Variants in NMU observed in about 807,000 individuals in gnomAD.
The protein encoded by NMU is neuromedin-U.
In NMU, 29 loss-of-function variants were observed where a neutral mutation model predicts 35.4. The observed-to-expected ratio is 0.82, with a 90% confidence interval of 0.61 to 1.12. The LOEUF (loss-of-function observed/expected upper bound fraction) is 1.12. Among genes scored for constraint, NMU ranks in the 50% most tolerant of loss-of-function variants. NMU has a pLI of 0.00. For missense variants in NMU, 199 were observed against 206.2 expected (o/e 0.97, Z 0.21); for synonymous variants, 78 against 81.3 (o/e 0.96, Z 0.22).
At chr4:55,597,587 G>A (rs1733240248) in intron 9 of NMU, among the ~76,000 whole-genome samples, 1 of 152,074 alleles carries the variant, frequency 6.6e-6, no homozygotes, top group Admixed American at 6.6e-5. Flanking sequence ...AGGCTGGTCA[G>A]GCTCCCGACC....
intron 3 of NMU, among the ~76,000 whole-genome samples, chr4:55,611,896 CACAGG>C (rs1733948414): frequency 6.6e-6 from 1 of 152,214 alleles, no homozygotes; most frequent in African/African-American, 2.4e-5. Context: ...TTCTGTCCTA[CACAGG>C]ACATGAATTG....
chr4:55,619,523 G>T (rs11723876), intron 2 of NMU, among the ~76,000 whole-genome samples: 3 of 142,834 alleles, frequency 2.1e-5, no homozygotes, highest in Admixed American at 7.1e-5. Flanking sequence ...TACGCCCACG[G>T]AATCTCGCTG....
chr4:55,625,515 A>G (rs555769433), intron 2 of NMU, among the ~76,000 whole-genome samples: 5 of 152,170 alleles, frequency 3.3e-5, no homozygotes, highest in Non-Finnish European at 7.3e-5. Context: ...ACACTGTTTT[A>G]TACTTGGCAC....
At chr4:55,603,673 G>A (rs1733518218) in intron 7 of NMU, among the ~76,000 whole-genome samples, 1 of 151,720 alleles carries the variant, frequency 6.6e-6, no homozygotes, top group African/African-American at 2.4e-5. Context: ...AGCACTTTGG[G>A]AAGCCGAGGC....
intron 7 of NMU, among the ~76,000 whole-genome samples, chr4:55,604,679 ATT>A (rs767568542): frequency 8.4e-5 from 4 of 47,614 alleles, no homozygotes; most frequent in African/African-American, 2.3e-4. Context: ...TGCCTGGCTA[ATT>A]TTTTTTTTTT....
Position 55,619,139 on chromosome 4 carries a change from T to C in NMU, c.172-2754A>G, listed in dbSNP as rs189377278. Reference sequence around the variant, plus strand: ...CTGCTGCCTCGGCCTGTCAAAGAACTGATATTAGGGTTCAGGGAGGAGCCA... The same window carrying C: ...CTGCTGCCTCGGCCTGTCAAAGAACCGATATTAGGGTTCAGGGAGGAGCCA... On this transcript the variant is annotated intron_variant, in intron 2 of 9. Transcript: ENST00000264218. 4.0e-3 allele frequency among the ~76,000 whole-genome samples: 613 copies of C among 152,140 alleles called. 4 individuals carry two copies. In the Middle Eastern group the frequency reaches 0.044, roughly 11 times the overall value.
At chr4:55,606,384 T>C (rs1486896951) in intron 6 of NMU, among the ~76,000 whole-genome samples, 1 of 152,216 alleles carries the variant, frequency 6.6e-6, no homozygotes, top group Non-Finnish European at 1.5e-5. Flanking sequence ...TACTACATGA[T>C]TTTAAAGTGA....
chr4:55,628,317 T>C (rs1270538699), intron 2 of NMU, among the ~76,000 whole-genome samples: 1 of 152,140 alleles, frequency 6.6e-6, no homozygotes, highest in African/African-American at 2.4e-5. Context: ...TTTTTTTATA[T>C]CTCTATTTTT....
At chr4:55,636,512 A>T (rs1715939100), upstream of NMU, 2 of 315,634 alleles carry the variant, frequency 6.3e-6, no homozygotes, top group South Asian at 2.0e-4. The surrounding 1 kb of genome is among the most constrained non-coding windows in gnomAD (Gnocchi z 4.0). Context: ...TGGGATAAAG[A>T]GAATGGAATT....
intron 2 of NMU, among the ~76,000 whole-genome samples, chr4:55,624,156 A>G (rs1734424056): frequency 6.7e-6 from 1 of 150,220 alleles, no homozygotes; most frequent in Non-Finnish European, 1.5e-5. Context: ...ACAAAAGCCA[A>G]AATTGACAAA....
At chr4:55,612,308 G>C (rs745431352) in intron 3 of NMU, among the ~76,000 whole-genome samples, 4 of 152,206 alleles carry the variant, frequency 2.6e-5, no homozygotes, top group Admixed American at 6.5e-5. Context: ...GCTGAGGTGG[G>C]AGGATTGCTT....
At chr4:55,602,651 A>T (rs976833034) in intron 7 of NMU, among the ~76,000 whole-genome samples, 1 of 152,240 alleles carries the variant, frequency 6.6e-6, no homozygotes, top group Non-Finnish European at 1.5e-5. Context: ...AACACTTTTA[A>T]GAAGTAAAAG....
At chr4:55,608,174 CAAAAAA>C (rs3035745) in intron 4 of NMU, among the ~76,000 whole-genome samples, 1 of 110,410 alleles carries the variant, frequency 9.1e-6, no homozygotes, top group Non-Finnish European at 1.8e-5. Flanking sequence ...GACTCCATCT[CAAAAAA>C]AAAAAAAAAA....
intron 3 of NMU, among the ~76,000 whole-genome samples, chr4:55,611,591 G>C (rs1349109497): frequency 1.3e-5 from 2 of 152,118 alleles, no homozygotes; most frequent in African/African-American, 4.8e-5. Flanking sequence ...TCCATTCATG[G>C]TGAGTGCCCT....
Position 55,596,290 on chromosome 4 carries a change from C to T in NMU, c.*5-879G>A, listed in dbSNP as rs186137082. 1.9e-3 allele frequency among the ~76,000 whole-genome samples: 279 copies of T among 149,292 alleles called. 1 individual carries two copies. The highest frequency in any genetic ancestry group is 6.0e-3 in the African/African-American group (247 of 40,932). On this transcript the variant is annotated intron_variant, in intron 9 of 9. Coordinates refer to ENST00000264218, the MANE Select transcript of NMU (RefSeq NM_006681.4). ...CTATTGGCAAAATAAAATGAAATCA[C>T]GAGTACATTAGTTTATGGACACCCT...
chr4:55,596,728 G>A (rs923567046), intron 9 of NMU, among the ~76,000 whole-genome samples: 5 of 151,934 alleles, frequency 3.3e-5, no homozygotes, highest in African/African-American at 4.8e-5. Context: ...TTTTTCCTTC[G>A]CTTTTCCACT....
intron 1 of NMU, 99 bp from the exon 2 acceptor site, chr4:55,630,559 A>T: frequency 1.1e-6 from 1 of 894,848 alleles, no homozygotes; most frequent in Non-Finnish European, 1.8e-6. Flanking sequence ...TTCATTTTTC[A>T]CTGTACATCA....
chr4:55,627,766 C>CTTG (rs1734592434), intron 2 of NMU, among the ~76,000 whole-genome samples: 1 of 152,108 alleles, frequency 6.6e-6, no homozygotes, highest in Non-Finnish European at 1.5e-5. Context: ...AGTTCAAGAG[C>CTTG]AAGAAGTTTG....
chr4:55,634,215 T>A (rs956146991), intron 1 of NMU, among the ~76,000 whole-genome samples: 1 of 152,160 alleles, frequency 6.6e-6, no homozygotes. Flanking sequence ...GGTGCCATCT[T>A]TAGGGATTCA....
Sources: allele counts gnomAD v4.1 joint callset (sites outside exome capture counted in the v4.1 genomes callset), GRCh38; gene constraint gnomAD v4.1.1; non-coding constraint Gnocchi (gnomAD v3.1); transcripts MANE v1.5; gene names NCBI Gene and HGNC (gene_info 2026-07-23, HGNC 2026-07-21).